XRCC4: variants seen among roughly 807,000 people sequenced by gnomAD.
The protein encoded by XRCC4 is X-ray repair cross complementing 4.
In XRCC4, 28 loss-of-function variants were observed where a neutral mutation model predicts 39.1. The ratio of observed to expected loss-of-function variants is 0.72; its 90% CI spans 0.53 to 0.98. XRCC4 has a LOEUF of 0.98. XRCC4 is among the 50% of genes least tolerant of loss of function. The pLI is 0.00. For synonymous variants in XRCC4, 123 were observed against 126.4 expected, an observed-to-expected ratio of 0.97 and a Z score of 0.18; for missense variants, 350 against 376.4, an observed-to-expected ratio of 0.93 and a Z score of 0.58.
rs1335219562 is a variant in XRCC4 at position 83,325,645 on chromosome 5, C to CT, written c.894-27480dup. Among the ~76,000 whole-genome samples, 2 of 152,048 alleles carry CT rather than the reference C, an allele frequency of 1.3e-5. 1 individual carries two copies. The highest frequency in any genetic ancestry group is 4.1e-4 in the South Asian group (2 of 4,830). ...CACCTGCAAAGGACATGATCTCATT[C>CT]TTTTTTGCGACTGCATAGTATTCCA... On this transcript the variant is annotated intron_variant, in intron 7 of 7. Coordinates refer to ENST00000396027, the MANE Select transcript of XRCC4 (RefSeq NM_003401.5).
At chr5:83,186,155 A>G (rs574675273) in intron 3 of XRCC4, among the ~76,000 whole-genome samples, 2 of 152,316 alleles carry the variant, frequency 1.3e-5, no homozygotes, top group South Asian at 4.1e-4. Flanking sequence ...TACTTGTACT[A>G]TTGGCATATC....
chr5:83,306,097 G>A (rs1472781538), intron 7 of XRCC4, among the ~76,000 whole-genome samples: 1 of 149,300 alleles, frequency 6.7e-6, no homozygotes, highest in East Asian at 2.0e-4. Context: ...GGTTAGCCCA[G>A]AACATTTTAG....
chr5:83,321,882 G>T (rs1756088221), intron 7 of XRCC4, among the ~76,000 whole-genome samples: 1 of 151,454 alleles, frequency 6.6e-6, no homozygotes, highest in African/African-American at 2.4e-5. Flanking sequence ...ATGGCACAAA[G>T]ACCAGGAAAC....
At chr5:83,297,385 A>G (rs757528324) in intron 7 of XRCC4, among the ~76,000 whole-genome samples, 4 of 151,990 alleles carry the variant, frequency 2.6e-5, no homozygotes, top group Non-Finnish European at 5.9e-5. Flanking sequence ...AATTTTATGT[A>G]TATGAGGATT....
At chr5:83,291,048 A>G (rs1754905117) in intron 7 of XRCC4, among the ~76,000 whole-genome samples, 4 of 151,916 alleles carry the variant, frequency 2.6e-5, no homozygotes, top group Admixed American at 2.6e-4. Context: ...CTTTGCTGGT[A>G]TCTTGTAATC....
chr5:83,192,982 G>C (rs568209007), intron 3 of XRCC4, among the ~76,000 whole-genome samples: 1 of 152,152 alleles, frequency 6.6e-6, no homozygotes, highest in Non-Finnish European at 1.5e-5. Context: ...ACAACAGTAC[G>C]ATATAGCTTT....
chr5:83,302,501 T>C (rs1321889595), intron 7 of XRCC4, among the ~76,000 whole-genome samples: 1 of 152,056 alleles, frequency 6.6e-6, no homozygotes, highest in Non-Finnish European at 1.5e-5. Context: ...CTGCTTCAGC[T>C]CTCCCTCTGA....
chr5:83,301,348 C>T (rs1381077731), intron 7 of XRCC4, among the ~76,000 whole-genome samples: 2 of 151,976 alleles, frequency 1.3e-5, no homozygotes, highest in African/African-American at 4.8e-5. Flanking sequence ...AGCTTTTTTT[C>T]TATGTTTGTT....
At chr5:83,193,145 A>C (rs765674530) in intron 3 of XRCC4, among the ~76,000 whole-genome samples, 1 of 152,174 alleles carries the variant, frequency 6.6e-6, no homozygotes, top group Non-Finnish European at 1.5e-5. Flanking sequence ...AGTCCAGTGC[A>C]TCTAGGCACG....
At chr5:83,355,325 C>G (rs1458830534), downstream of XRCC4, among the ~76,000 whole-genome samples, 4 of 152,138 alleles carry the variant, frequency 2.6e-5, no homozygotes, top group Non-Finnish European at 5.9e-5. Flanking sequence ...TCTCGAATTA[C>G]TTTTTCATGT....
At chr5:83,311,526 A>G (rs1452851557) in intron 7 of XRCC4, among the ~76,000 whole-genome samples, 1 of 152,188 alleles carries the variant, frequency 6.6e-6, no homozygotes, top group African/African-American at 2.4e-5. Context: ...AAATCCTTAG[A>G]ACCTTTGGCC....
At chr5:83,216,345 T>A (rs1325782808) in intron 6 of XRCC4, among the ~76,000 whole-genome samples, 1 of 152,174 alleles carries the variant, frequency 6.6e-6, no homozygotes, top group Non-Finnish European at 1.5e-5. Context: ...AAAACTTGAA[T>A]CCTCATACAT....
At chr5:83,108,618 T>A (rs914119848) in intron 2 of XRCC4, among the ~76,000 whole-genome samples, 3 of 151,848 alleles carry the variant, frequency 2.0e-5, no homozygotes, top group Non-Finnish European at 1.5e-5. Flanking sequence ...TTAATGAAAT[T>A]TAGAATACTT....
intron 7 of XRCC4, among the ~76,000 whole-genome samples, chr5:83,313,934 GTA>G (rs773169296): frequency 3.7e-5 from 5 of 134,716 alleles, no homozygotes; most frequent in Non-Finnish European, 7.5e-5. Flanking sequence ...CAGTAATGTT[GTA>G]TGTTATTTAA....
intron 6 of XRCC4, among the ~76,000 whole-genome samples, chr5:83,233,804 A>G (rs1312786353): frequency 4.7e-5 from 7 of 149,720 alleles, no homozygotes; most frequent in Non-Finnish European, 1.0e-4. Flanking sequence ...CAGGAGGCTG[A>G]GGCAGAAGAA....
intron 3 of XRCC4, among the ~76,000 whole-genome samples, chr5:83,182,093 C>T (rs1045760306): frequency 2.6e-5 from 4 of 152,104 alleles, no homozygotes; most frequent in Non-Finnish European, 5.9e-5. Context: ...TTTGTAATCT[C>T]CTCTAGTGTA....
At chr5:83,275,559 T>G (rs1304523077) in intron 7 of XRCC4, among the ~76,000 whole-genome samples, 1 of 152,134 alleles carries the variant, frequency 6.6e-6, no homozygotes, top group Non-Finnish European at 1.5e-5. Context: ...CCTCCCAAAG[T>G]GCTGGGATTA....
chr5:83,367,215 C>CA, the XRCC4 span, among the ~76,000 whole-genome samples: 4 of 152,228 alleles, frequency 2.6e-5, no homozygotes, highest in Admixed American at 2.6e-4. Flanking sequence ...AATTCTAGTA[C>CA]AACAAACCCT....
At chr5:83,089,585 C>G (rs1166955569) in intron 1 of XRCC4, among the ~76,000 whole-genome samples, 2 of 152,116 alleles carry the variant, frequency 1.3e-5, no homozygotes, top group African/African-American at 4.8e-5. Flanking sequence ...AAAATTGCCT[C>G]CACTTCAGAT....
Sources: gnomAD v4.1 joint callset for allele counts (sites outside exome capture counted in the v4.1 genomes callset) on GRCh38, gnomAD v4.1.1 for gene constraint, MANE v1.5 for transcripts, NCBI Gene and HGNC (gene_info 2026-07-23, HGNC 2026-07-21) for gene names.